CDH11: variants seen among roughly 807,000 people sequenced by gnomAD.
CDH11 encodes the protein cadherin 11.
CDH11 carries 11 observed loss-of-function variants against 67.8 expected under a neutral mutation model. The ratio of observed to expected loss-of-function variants is 0.16; its 90% CI spans 0.10 to 0.27. The LOEUF (loss-of-function observed/expected upper bound fraction) is 0.27. Among genes scored for constraint, CDH11 ranks in the 10% least tolerant of loss-of-function variants. The pLI, the probability that CDH11 is intolerant of heterozygous loss-of-function variation, is 1.00. For missense variants in CDH11, 847 were observed against 1,031.2 expected (o/e 0.82, Z 2.45); for synonymous variants, 419 against 400.0 (o/e 1.05, Z -0.57).
rs1002583212 is a variant in CDH11, at chr16:64,944,693, T to C, written c.*2910A>G. ...GAGGTGCAAATAAACTACTCTTTTA[T>C]CTTCCCTGTCACCCCCAGAAACCCA... On this transcript the variant is annotated 3_prime_UTR_variant, in exon 13 of 13. Transcript: ENST00000268603. The C allele has an allele frequency of 8.6e-6, 2 of 231,992 alleles. No homozygotes were observed. Among genetic ancestry groups the C allele is most frequent in the Non-Finnish European group, 1.7e-5 (2 of 117,244 alleles). The allele number at this position is 231,992 out of a possible 1,614,324, so 14.4% of individuals were successfully genotyped here. A position where few individuals can be genotyped will look rare whatever the true frequency, so the allele number is the denominator to read the frequency against.
chr16:64,969,721 C>T (rs561253723), intron 11 of CDH11, among the ~76,000 whole-genome samples: 3 of 151,412 alleles, frequency 2.0e-5, no homozygotes, highest in African/African-American at 2.4e-5. Flanking sequence ...CAGATGTATA[C>T]GTATCTTAGA....
chr16:65,045,329 G>GTATATATATATATATATATATA (rs57695452), intron 2 of CDH11, among the ~76,000 whole-genome samples: 2 of 63,284 alleles, frequency 3.2e-5, no homozygotes, highest in African/African-American at 6.3e-5. Context: ...TCCCTCAAAA[G>GTATATATATATATATATATATA]TATATATATA....
At chr16:64,956,459 C>G (rs569415366) in intron 11 of CDH11, among the ~76,000 whole-genome samples, 126 of 152,320 alleles carry the variant, frequency 8.3e-4, no homozygotes, top group Non-Finnish European at 1.2e-3. Context: ...CAGAAGGACT[C>G]TTCATTCAAA....
At chr16:64,979,012 T>C (rs2072253858) in intron 8 of CDH11, among the ~76,000 whole-genome samples, 1 of 152,150 alleles carries the variant, frequency 6.6e-6, no homozygotes, top group Admixed American at 6.5e-5. Flanking sequence ...GCAAATCATA[T>C]ACCTGATAAG....
intron 1 of CDH11, among the ~76,000 whole-genome samples, chr16:65,114,034 C>T (rs760435830): frequency 7.9e-5 from 12 of 152,104 alleles, no homozygotes; most frequent in African/African-American, 1.9e-4. Context: ...GGGGTCAAAA[C>T]GTAACTACTG....
At position 64,950,789 on chromosome 16, in the gene CDH11, G is replaced by A; in HGVS notation, c.1872C>T (p.Leu624=). The change falls in exon 12 of 13, where the codon CTC becomes CTT. Residue 624 remains leucine (L), a synonymous_variant. Coordinates refer to ENST00000268603, the MANE Select transcript of CDH11 (RefSeq NM_001797.4). ...GLSTGALIAI[L]ACIVILLVIV... ...TACCCAGGAGAATGACGATGCAGGC[G>A]AGGATGGCGATCAGGGCGCCTGTGC... is the stretch of plus-strand genomic sequence containing the variant. 3 of 1,614,046 alleles carry A rather than the reference G, an allele frequency of 1.9e-6. No individual in the cohort carries two copies. The highest frequency in any genetic ancestry group is 2.5e-6 in the Non-Finnish European group (3 of 1,179,962).
chr16:65,045,101 A>G (rs2073931765), intron 2 of CDH11, among the ~76,000 whole-genome samples: 1 of 151,588 alleles, frequency 6.6e-6, no homozygotes. Flanking sequence ...TTCCTTTCCC[A>G]AAGAATGATG....
intron 11 of CDH11, among the ~76,000 whole-genome samples, chr16:64,961,971 G>A (rs773256478): frequency 6.6e-6 from 1 of 152,032 alleles, no homozygotes; most frequent in African/African-American, 2.4e-5. Context: ...TGAAACTCAA[G>A]AACTAATTTC....
chr16:64,947,238 T>A lies in CDH11; in HGVS notation c.*365A>T. Reference sequence around the variant, plus strand: ...AGAACTGTTGTCCTTTCTAATTTTGTGGAAGCTTCTTTGACAACTTAAAAA... The same window carrying A: ...AGAACTGTTGTCCTTTCTAATTTTGAGGAAGCTTCTTTGACAACTTAAAAA... On this transcript the variant is annotated 3_prime_UTR_variant, in exon 13 of 13. Coordinates refer to ENST00000268603, the MANE Select transcript of CDH11 (RefSeq NM_001797.4). 9.0e-7 allele frequency: 1 copy of A among 1,105,096 alleles called. No homozygotes were observed. Among genetic ancestry groups the A allele is most frequent in the Non-Finnish European group, 1.1e-6 (1 of 902,764 alleles). 68.5% of individuals were successfully genotyped at this position (1,105,096 alleles called of 1,614,324 possible).
intron 2 of CDH11, among the ~76,000 whole-genome samples, chr16:65,021,801 A>G (rs1260033751): frequency 6.7e-6 from 1 of 149,864 alleles, no homozygotes; most frequent in Non-Finnish European, 1.5e-5. Flanking sequence ...TGGCTTAACC[A>G]TGGACCCATG....
intron 2 of CDH11, among the ~76,000 whole-genome samples, chr16:65,051,578 G>A (rs994432054): frequency 1.3e-5 from 2 of 152,086 alleles, no homozygotes; most frequent in East Asian, 1.9e-4. Context: ...GGATCTGTGC[G>A]TCCACCCAAA....
At chr16:65,040,460 A>G (rs1228749344) in intron 2 of CDH11, among the ~76,000 whole-genome samples, 1 of 152,150 alleles carries the variant, frequency 6.6e-6, no homozygotes. Flanking sequence ...CAAGGACAAA[A>G]AAACCAAACA....
rs556793218 is a variant in CDH11, at chr16:64,944,410, A to G, written c.*3193T>C. 4.3e-5 allele frequency: 10 copies of G among 232,674 alleles called. No individual in the cohort carries two copies. The East Asian group carries it at 6.1e-4, about 14-fold the overall frequency. 14.4% of individuals were successfully genotyped at this position (232,674 alleles called of 1,614,324 possible). A position where few individuals can be genotyped will look rare whatever the true frequency, so the allele number is the denominator to read the frequency against. On this transcript the variant is annotated 3_prime_UTR_variant, in exon 13 of 13. Coordinates refer to ENST00000268603, the MANE Select transcript of CDH11 (RefSeq NM_001797.4). ...CATTCTATCTCATATTGACCTTTGCAAAAGCCCTCCTGGGGCACACCTCTG... is the reference window on the plus strand; with the variant it reads ...CATTCTATCTCATATTGACCTTTGCGAAAGCCCTCCTGGGGCACACCTCTG...
At chr16:64,995,246 A>G (rs963181167) in intron 4 of CDH11, among the ~76,000 whole-genome samples, 6 of 152,096 alleles carry the variant, frequency 3.9e-5, no homozygotes, top group African/African-American at 1.4e-4. Flanking sequence ...AAACTGTTCT[A>G]AGACTCATAT....
At chr16:65,083,418 GA>G (rs1259670657) in intron 1 of CDH11, among the ~76,000 whole-genome samples, 2 of 152,358 alleles carry the variant, frequency 1.3e-5, no homozygotes, top group East Asian at 1.9e-4. Flanking sequence ...ACTCCAGGCA[GA>G]AATGGGCCAG....
chr16:65,099,846 C>G (rs1223336987), intron 1 of CDH11, among the ~76,000 whole-genome samples: 1 of 151,958 alleles, frequency 6.6e-6, no homozygotes, highest in East Asian at 1.9e-4. Context: ...AAGTTCATTG[C>G]CCTCATGACA....
At chr16:64,969,409 A>C (rs2142420075) in intron 11 of CDH11, among the ~76,000 whole-genome samples, 1 of 152,304 alleles carries the variant, frequency 6.6e-6, no homozygotes, top group Non-Finnish European at 1.5e-5. Context: ...GTGTAAGTTG[A>C]GAATTGCATC....
In CDH11 at chr16:64,982,187, T is replaced by A. The variant is rs1383138659; in HGVS notation, c.1114A>T (p.Ile372Phe). The A allele has an allele frequency of 6.2e-7, 1 of 1,613,960 alleles. No individual in the cohort carries two copies. The highest frequency in any genetic ancestry group is 8.5e-7 in the Non-Finnish European group (1 of 1,179,960). The change falls in exon 8 of 13, where the codon ATC (isoleucine) becomes TTC (phenylalanine). Residue 372 changes from isoleucine (I) to phenylalanine (F), a missense_variant. By Grantham distance (21) the Ile-to-Phe change is conservative. Transcript: ENST00000268603. ...GGCTCATCAGCATCTTCTACTGAGA[T>A]CTTGACGGTCACAGTGTCCTTGAAA... ...GPFKDTVTVK[I>F]SVEDADEPPM...
chr16:64,996,505 A>AT (rs1221896494), intron 4 of CDH11, among the ~76,000 whole-genome samples: 3 of 151,696 alleles, frequency 2.0e-5, no homozygotes, highest in Admixed American at 6.6e-5. Flanking sequence ...AAAAAAAAAA[A>AT]AAGTATTACA....
Sources: allele counts gnomAD v4.1 joint callset (sites outside exome capture counted in the v4.1 genomes callset), GRCh38; gene constraint gnomAD v4.1.1; transcripts MANE v1.5; gene names NCBI Gene and HGNC (gene_info 2026-07-23, HGNC 2026-07-21).